Variants in OLFM3 observed in about 807,000 individuals in gnomAD.
OLFM3 encodes noelin-3.
OLFM3 carries 20 observed loss-of-function variants against 48.6 expected under a neutral mutation model. The observed-to-expected ratio is 0.41, with a 90% CI of 0.29 to 0.60. The LOEUF (loss-of-function observed/expected upper bound fraction) is 0.60. Ranked by LOEUF, OLFM3 falls within the 20% of genes least tolerant of loss-of-function variation. The pLI is 0.28. For missense variants in OLFM3, 437 were observed against 544.3 expected (o/e 0.80, Z 1.96); for synonymous variants, 222 against 198.1 (o/e 1.12, Z -1.01).
At chr1:101,898,666 T>C (rs1658287250) in intron 1 of OLFM3, among the ~76,000 whole-genome samples, 1 of 152,094 alleles carries the variant, frequency 6.6e-6, no homozygotes, top group African/African-American at 2.4e-5. Flanking sequence ...CTGGCCAACA[T>C]GGTGAAACCC....
chr1:101,965,378 AT>A (rs770966670), intron 1 of OLFM3, among the ~76,000 whole-genome samples: 4 of 152,228 alleles, frequency 2.6e-5, no homozygotes, highest in Non-Finnish European at 5.9e-5. Context: ...TTTCTGGAGA[AT>A]TAGCTATTAA....
chr1:101,824,932 A>T, intron 4 of OLFM3, 94 bp downstream of exon 4: 2 of 1,061,400 alleles, frequency 1.9e-6, no homozygotes, highest in Non-Finnish European at 2.8e-6. Flanking sequence ...CTTTACAATT[A>T]GATATTTTAT....
chr1:101,908,618 G>A (rs895800372), intron 1 of OLFM3, among the ~76,000 whole-genome samples: 3 of 152,178 alleles, frequency 2.0e-5, no homozygotes, highest in African/African-American at 7.2e-5. Flanking sequence ...ACATGTCCTA[G>A]ACCCTGGAAC....
chr1:101,806,128 G>T lies in OLFM3; in HGVS notation c.647C>A (p.Thr216Asn). The change falls in exon 5 of 6, where the codon ACC becomes AAC. Residue 216 changes from threonine to asparagine, a missense_variant. Thr to Asn is a moderately conservative substitution (Grantham distance 65). Transcript: ENST00000370103. Reference protein sequence around the residue: ...TGPVTVKTSGTRFGAWMTDPL... With the variant: ...TGPVTVKTSGNRFGAWMTDPL... ...GTCTGTCATCCAAGCACCAAATCGG[G>T]TTCCAGATGTCTTGACTGTAACTGG... 4 of 1,612,056 alleles carry T rather than the reference G, an allele frequency of 2.5e-6. No individual in the cohort carries two copies. The highest frequency in any genetic ancestry group is 3.4e-6 in the Non-Finnish European group (4 of 1,178,666).
At chr1:101,819,178 A>G (rs1046498171) in intron 4 of OLFM3, among the ~76,000 whole-genome samples, 1 of 152,142 alleles carries the variant, frequency 6.6e-6, no homozygotes, top group Non-Finnish European at 1.5e-5. Context: ...GTGTCCCATG[A>G]CAAGGGAGAG....
At chr1:101,957,665 T>C (rs974657787) in intron 1 of OLFM3, among the ~76,000 whole-genome samples, 2 of 151,960 alleles carry the variant, frequency 1.3e-5, no homozygotes, top group Non-Finnish European at 2.9e-5. Context: ...TTTAAGAAAA[T>C]TATAAAGACT....
At chr1:101,833,408 T>C (rs546884667) in intron 2 of OLFM3, among the ~76,000 whole-genome samples, 1 of 152,336 alleles carries the variant, frequency 6.6e-6, no homozygotes, top group East Asian at 1.9e-4. Context: ...CCACTGGCTA[T>C]AGAGGCCTAC....
intron 1 of OLFM3, among the ~76,000 whole-genome samples, chr1:101,970,208 G>A (rs1350053886): frequency 6.6e-6 from 1 of 152,162 alleles, no homozygotes; most frequent in East Asian, 1.9e-4. Flanking sequence ...GTAGAGTTGG[G>A]GTTTCACCAT....
intron 4 of OLFM3, among the ~76,000 whole-genome samples, chr1:101,811,339 G>T (rs1295554567): frequency 6.6e-6 from 1 of 152,036 alleles, no homozygotes; most frequent in East Asian, 1.9e-4. Context: ...AATGACAAAT[G>T]GGATCTAATT....
intron 3 of OLFM3, 94 bp downstream of exon 3, chr1:101,830,578 C>T: frequency 1.5e-6 from 2 of 1,311,884 alleles, no homozygotes; most frequent in Non-Finnish European, 2.2e-6. Flanking sequence ...CACATATGGG[C>T]CAATGCACAT....
In OLFM3 at chr1:101,804,841, C is replaced by A. The variant is rs1653683933; in HGVS notation, c.774G>T (p.Gly258=). 1 of 1,612,276 alleles carries A rather than the reference C, an allele frequency of 6.2e-7. No individual in the cohort carries two copies. The highest frequency in any genetic ancestry group is 1.7e-5 in the Admixed American group (1 of 59,794). Residue 258 remains glycine, a synonymous_variant, in exon 6 of 6, where the codon GGG becomes GGT. Transcript: ENST00000370103. This position sits in a 1 kb window ranked among gnomAD's most constrained non-coding sequence, Gnocchi z 4.5. ...EYKSIADFVS[G]AESRTYNLPF... is the part of the protein sequence containing the mutation. ...GAAGGTTGTATGTCCTTGATTCAGC[C>A]CCACTGACAAAGTCTGCAATTGATT... is the stretch of plus-strand genomic sequence containing the variant.
At chr1:101,884,596 C>T (rs1028821335) in intron 1 of OLFM3, among the ~76,000 whole-genome samples, 1 of 151,926 alleles carries the variant, frequency 6.6e-6, no homozygotes, top group African/African-American at 2.4e-5. Flanking sequence ...AATAGGCTAA[C>T]TGTAATATTT....
At chr1:101,940,742 ATGTATG>A (rs1246699474) in intron 1 of OLFM3, among the ~76,000 whole-genome samples, 4 of 150,404 alleles carry the variant, frequency 2.7e-5, no homozygotes, top group Non-Finnish European at 5.9e-5. Context: ...TTGTATATAT[ATGTATG>A]TATATATATT....
At chr1:101,852,005 A>C (rs952982538) in intron 1 of OLFM3, among the ~76,000 whole-genome samples, 10 of 152,082 alleles carry the variant, frequency 6.6e-5, no homozygotes, top group African/African-American at 2.4e-4. Context: ...CCCTTTGAGT[A>C]GACAGCCCTA....
chr1:101,842,033 C>T (rs781376532), intron 1 of OLFM3, among the ~76,000 whole-genome samples: 25 of 152,136 alleles, frequency 1.6e-4, no homozygotes, highest in African/African-American at 3.9e-4. Context: ...AGACAGATGT[C>T]GACAGACCAC....
intron 1 of OLFM3, among the ~76,000 whole-genome samples, chr1:101,924,729 C>A (rs185602623): frequency 9.3e-4 from 141 of 152,210 alleles, no homozygotes; most frequent in Non-Finnish European, 1.5e-3. Flanking sequence ...ATTTTAAATT[C>A]TTTTATTTAT....
At chr1:101,828,930 G>T (rs1278465077) in intron 3 of OLFM3, among the ~76,000 whole-genome samples, 2 of 152,110 alleles carry the variant, frequency 1.3e-5, no homozygotes, top group Non-Finnish European at 2.9e-5. Context: ...TGGTTTTCTT[G>T]ATCCCCCTAT....
rs372980306 is a variant in OLFM3, at chr1:101,912,639, AAG to A, written c.70-75616_70-75615del. Among the ~76,000 whole-genome samples, 456 of 152,314 alleles carry A rather than the reference AAG, an allele frequency of 3.0e-3. 4 individuals are homozygous for A. The highest frequency in any genetic ancestry group is 0.01 in the African/African-American group (432 of 41,570). ...CTGCAGAGACGCCTACAGGGAGAGA[AAG>A]AGAATCATACGATTGAGGTACTTCA... On this transcript the variant is annotated intron_variant, in intron 1 of 5. Coordinates refer to ENST00000370103, the MANE Select transcript of OLFM3 (RefSeq NM_058170.4).
chr1:101,989,084 A>G (rs1455189685), intron 1 of OLFM3, among the ~76,000 whole-genome samples: 1 of 152,084 alleles, frequency 6.6e-6, no homozygotes, highest in Non-Finnish European at 1.5e-5. Context: ...AATGTCAGGG[A>G]AGAATTTGTG....
Sources: gnomAD v4.1 joint callset for allele counts (sites outside exome capture counted in the v4.1 genomes callset) on GRCh38, gnomAD v4.1.1 for gene constraint, Gnocchi (gnomAD v3.1) non-coding constraint, MANE v1.5 for transcripts, NCBI Gene and HGNC (gene_info 2026-07-23, HGNC 2026-07-21) for gene names.